The following RASSF1 variants were observed in gnomAD, a reference collection of about 807,000 sequenced individuals.
The protein encoded by RASSF1 is Ras association domain family member 1, also known as ras association domain-containing protein 1.
RASSF1 carries 33 observed loss-of-function variants against 34.3 expected under a neutral mutation model. The ratio of observed to expected loss-of-function variants is 0.96; its 90% CI spans 0.73 to 1.29. The LOEUF (loss-of-function observed/expected upper bound fraction) is 1.29, where lower values mean the gene tolerates loss of function less well. Ranked by LOEUF, RASSF1 falls within the 50% of genes most tolerant of loss-of-function variation. RASSF1 has a pLI of 0.00. For missense variants in RASSF1, 445 were observed against 471.8 expected (o/e 0.94, Z 0.53); for synonymous variants, 191 against 195.0 (o/e 0.98, Z 0.17).
rs2109353053 is a variant in RASSF1 at position 50,340,740 on chromosome 3, G to T, written c.66C>A (p.Gly22=). The change falls in exon 1 of 6, where the codon GGC becomes GGA. Residue 22 remains glycine (G), a synonymous_variant. Transcript: ENST00000359365. ...CGTTGGCACGCTCCAGCCGGGTGCG[G>T]CCCTTCCCAGCGCGCCCAGCGGGTG... ...ELAPAGRAGK[G]RTRLERANAL... 1 of 1,514,436 alleles carries T rather than the reference G, an allele frequency of 6.6e-7. No individual in the cohort carries two copies. Among genetic ancestry groups the T allele is most frequent in the East Asian group, 2.7e-5 (1 of 36,542 alleles). 93.8% of individuals were successfully genotyped at this position (1,514,436 alleles called of 1,614,324 possible). A position where few individuals can be genotyped will look rare whatever the true frequency, so the allele number is the denominator to read the frequency against.
intron 2 of RASSF1, chr3:50,337,482 C>T: frequency 1.3e-6 from 2 of 1,543,314 alleles, no homozygotes; most frequent in South Asian, 2.3e-5. Context: ...TAGCTCTTGT[C>T]TCATTGGGGC....
At chr3:50,333,218 G>A (rs933855651) in intron 2 of RASSF1, among the ~76,000 whole-genome samples, 4 of 152,240 alleles carry the variant, frequency 2.6e-5, no homozygotes, top group African/African-American at 4.8e-5. Flanking sequence ...GCCCCGGCAC[G>A]GGGCCATGAC....
intron 2 of RASSF1, among the ~76,000 whole-genome samples, chr3:50,334,148 G>A (rs1172774674): frequency 6.6e-6 from 1 of 152,174 alleles, no homozygotes; most frequent in African/African-American, 2.4e-5. Flanking sequence ...ACAGATGAGG[G>A]AGCAGGGTGG....
intron 1 of RASSF1, among the ~76,000 whole-genome samples, chr3:50,339,069 C>T (rs1703267848): frequency 6.6e-6 from 1 of 152,236 alleles, no homozygotes; most frequent in Non-Finnish European, 1.5e-5. Flanking sequence ...CCTAAACCCT[C>T]AGACTAGATC....
chr3:50,335,073 C>G (rs1703078125), intron 2 of RASSF1, among the ~76,000 whole-genome samples: 1 of 152,068 alleles, frequency 6.6e-6, no homozygotes, highest in Non-Finnish European at 1.5e-5. Flanking sequence ...TTCAGCCTCC[C>G]AAGTAGCTGG....
At chr3:50,338,786 G>A (rs1356623140) in intron 1 of RASSF1, among the ~76,000 whole-genome samples, 3 of 152,068 alleles carry the variant, frequency 2.0e-5, no homozygotes, top group Non-Finnish European at 4.4e-5. Context: ...GAAACTGCCC[G>A]GGACAGGGTC....
chr3:50,336,984 A>G (rs894897419), intron 2 of RASSF1: 1 of 819,572 alleles, frequency 1.2e-6, no homozygotes, highest in Admixed American at 3.2e-5. Context: ...CCCGGCACCC[A>G]GCATCTAGGC....
At chr3:50,333,499 C>T (rs1000056347) in intron 2 of RASSF1, among the ~76,000 whole-genome samples, 24 of 150,912 alleles carry the variant, frequency 1.6e-4, no homozygotes, top group East Asian at 5.8e-4. Context: ...TTTTTTGAGA[C>T]GAAGCCTCAC....
intron 2 of RASSF1, among the ~76,000 whole-genome samples, chr3:50,335,134 G>A (rs1703080539): frequency 6.6e-6 from 1 of 151,810 alleles, no homozygotes; most frequent in African/African-American, 2.4e-5. Flanking sequence ...ATTTTTAGTC[G>A]AGACGGGGTT....
chr3:50,337,273 G>C lies in RASSF1; in HGVS notation c.357+632C>G, dbSNP rs767513095. On this transcript the variant is annotated intron_variant, in intron 2 of 5. Transcript: ENST00000359365. ...TTGGCTGCAGTAGCCACTGCTCGTCGTGCTGCTCCAGGTCATTTCGAAAGA... is the reference window on the plus strand; with the variant it reads ...TTGGCTGCAGTAGCCACTGCTCGTCCTGCTGCTCCAGGTCATTTCGAAAGA... 7 of 1,613,154 alleles carry C rather than the reference G, an allele frequency of 4.3e-6. No individual in the cohort carries two copies. In the South Asian group the frequency reaches 6.6e-5, roughly 15 times the overall value.
Position 50,340,632 on chromosome 3 carries a change from C to G in RASSF1, c.174G>C (p.Gly58=). The change falls in exon 1 of 6, where the codon GGG becomes GGC. Residue 58 remains glycine (G), a synonymous_variant. Coordinates refer to ENST00000359365, the MANE Select transcript of RASSF1 (RefSeq NM_007182.5). ...GGTCGCACCACGTGTGCGTGGCGGG[C>G]CCCGCGGGCTGGAAGCGGTGGCCAC... The part of the protein sequence containing the change: ...PGRGHRFQPA[G]PATHTWCDLC... 1 of 1,526,406 alleles carries G rather than the reference C, an allele frequency of 6.6e-7. No individual in the cohort carries two copies. The highest frequency in any genetic ancestry group is 1.2e-5 in the South Asian group (1 of 83,026). 94.6% of individuals were successfully genotyped at this position (1,526,406 alleles called of 1,614,324 possible). A position where few individuals can be genotyped will look rare whatever the true frequency, so the allele number is the denominator to read the frequency against.
At chr3:50,332,482 G>A (rs1056848923) in intron 2 of RASSF1, among the ~76,000 whole-genome samples, 5 of 152,168 alleles carry the variant, frequency 3.3e-5, no homozygotes, top group Admixed American at 1.3e-4. Context: ...TCTGAAGAGG[G>A]ACTCTCATTT....
At position 50,340,707 on chromosome 3, in the gene RASSF1, G is replaced by A; in HGVS notation, c.99C>T (p.Arg33=). The change falls in exon 1 of 6, where the codon CGC becomes CGT. Residue 33 remains arginine (R), a synonymous_variant. Coordinates refer to ENST00000359365, the MANE Select transcript of RASSF1 (RefSeq NM_007182.5). ...RTRLERANAL[R]IARGTACNPT... is the part of the protein sequence containing the mutation. Reference sequence around the variant, plus strand: ...GGTTGCACGCGGTGCCCCGCGCGATGCGCAGCGCGTTGGCACGCTCCAGCC... The same window carrying A: ...GGTTGCACGCGGTGCCCCGCGCGATACGCAGCGCGTTGGCACGCTCCAGCC... The A allele has an allele frequency of 6.5e-7, 1 of 1,528,176 alleles. No homozygotes were observed. Among genetic ancestry groups the A allele is most frequent in the Non-Finnish European group, 8.7e-7 (1 of 1,147,914 alleles). The allele number at this position is 1,528,176 out of a possible 1,614,324, so 94.7% of individuals were successfully genotyped here. A position where few individuals can be genotyped will look rare whatever the true frequency, so the allele number is the denominator to read the frequency against.
Position 50,332,062 on chromosome 3 carries a change from G to GA in RASSF1, c.449dup (p.Phe151LeufsTer74), listed in dbSNP as rs766901931. ...GCAGTCAACTCACCAAGCTCATGAA[G>GA]AGGTTGCTGTTGATCTGGGCATTGT... is the stretch of plus-strand genomic sequence containing the variant. On this transcript the variant is annotated frameshift_variant, in exon 3 of 6. Transcript: ENST00000359365. LOFTEE classifies it high-confidence loss of function. The GA allele has an allele frequency of 1.9e-6, 3 of 1,614,122 alleles. No individual in the cohort carries two copies. The highest frequency in any genetic ancestry group is 2.5e-6 in the Non-Finnish European group (3 of 1,180,016).
At position 50,331,368 on chromosome 3, in the gene RASSF1, A is replaced by G; in HGVS notation, c.842T>C (p.Phe281Ser). The stretch of plus-strand genomic sequence containing the variant: ...CCCAGAGTCATTTTCCTTCAGGACA[A>G]AGCTCAGGGCCTTGTCACTGGGCCC... The part of the protein sequence containing the change: ...LAGPSDKALS[F>S]VLKENDSGEV... Residue 281 changes from phenylalanine to serine, a missense_variant, in exon 5 of 6, where the codon TTT becomes TCT. Physicochemically the swap from Phe to Ser is radical, Grantham distance 155. Transcript: ENST00000359365. 6.2e-7 allele frequency: 1 copy of G among 1,604,008 alleles called. No individual in the cohort carries two copies. The highest frequency in any genetic ancestry group is 8.5e-7 in the Non-Finnish European group (1 of 1,174,258).
intron 2 of RASSF1, chr3:50,337,300 G>T (rs1311138661): frequency 3.7e-6 from 6 of 1,612,736 alleles, no homozygotes; most frequent in Non-Finnish European, 5.1e-6. Flanking sequence ...TTCGAAAGAA[G>T]GCGCCTCCGC....
rs149757510 is a variant in RASSF1, at chr3:50,332,114, G to C, written c.398C>G (p.Ala133Gly). 10 of 1,614,160 alleles carry C rather than the reference G, an allele frequency of 6.2e-6. No individual in the cohort carries two copies. Among genetic ancestry groups the C allele is most frequent in the Non-Finnish European group, 7.6e-6 (9 of 1,180,036 alleles). ...VEWETPDLSQ[A>G]EIEQKIKEYN... Reference sequence around the variant, plus strand: ...CTCCTTGATCTTCTGCTCAATCTCAGCTTGAGAAAGGTCAGGTGTCTCCCA... The same window carrying C: ...CTCCTTGATCTTCTGCTCAATCTCACCTTGAGAAAGGTCAGGTGTCTCCCA... Residue 133 changes from alanine (A) to glycine (G), a missense_variant, in exon 3 of 6, where the codon GCT (alanine) becomes GGT (glycine). Transcript: ENST00000359365.
intron 2 of RASSF1, among the ~76,000 whole-genome samples, chr3:50,333,889 C>T (rs1170660651): frequency 6.6e-6 from 1 of 152,226 alleles, no homozygotes; most frequent in African/African-American, 2.4e-5. Flanking sequence ...CGACTTTCTT[C>T]TCCCAGACTC....
At position 50,337,322 on chromosome 3, in the gene RASSF1, C is replaced by A. The variant is rs756646745; in HGVS notation, c.357+583G>T. The A allele has an allele frequency of 6.8e-6, 11 of 1,611,310 alleles. No individual in the cohort carries two copies. In the Admixed American group the frequency reaches 1.7e-4, roughly 24 times the overall value. On this transcript the variant is annotated intron_variant, in intron 2 of 5. Coordinates refer to ENST00000359365, the MANE Select transcript of RASSF1 (RefSeq NM_007182.5). Reference sequence around the variant, plus strand: ...GAAGGCGCCTCCGCCTCGCCCATAGCCGTACCCGCCCGTCCCCCAGTCCTG... The same window carrying A: ...GAAGGCGCCTCCGCCTCGCCCATAGACGTACCCGCCCGTCCCCCAGTCCTG...
Sources: gnomAD v4.1 joint callset for allele counts (sites outside exome capture counted in the v4.1 genomes callset) on GRCh38, gnomAD v4.1.1 for gene constraint, MANE v1.5 for transcripts, NCBI Gene and HGNC (gene_info 2026-07-23, HGNC 2026-07-21) for gene names.